Variants in ULK4 observed in about 807,000 individuals in gnomAD.
ULK4 encodes unc-51 like kinase 4, also known as inactive serine/threonine-protein kinase ULK4.
Under a neutral mutation model 160.6 loss-of-function variants are expected in ULK4, and 133 were observed. The ratio of observed to expected loss-of-function variants is 0.83; its 90% CI spans 0.72 to 0.96. ULK4 has a LOEUF of 0.96. Ranked by LOEUF, ULK4 falls within the 40% of genes least tolerant of loss-of-function variation. The pLI, the probability that ULK4 is intolerant of heterozygous loss-of-function variation, is 0.00. For synonymous variants in ULK4, 534 were observed against 539.8 expected (o/e 0.99, Z 0.15); for missense variants, 1,580 against 1,499.5 (o/e 1.05, Z -0.89).
At chr3:41,799,095 G>C (rs2040383506) in intron 20 of ULK4, among the ~76,000 whole-genome samples, 2 of 152,148 alleles carry the variant, frequency 1.3e-5, no homozygotes, top group South Asian at 4.1e-4. Context: ...TGATGAAAAT[G>C]AGGGGTTGAG....
At chr3:41,957,537 AACATATCT>A (rs1700523878) in intron 1 of ULK4, among the ~76,000 whole-genome samples, 1 of 151,696 alleles carries the variant, frequency 6.6e-6, no homozygotes, top group Non-Finnish European at 1.5e-5. Context: ...AGAAATTCAC[AACATATCT>A]ACATATCAAA....
At chr3:41,632,629 C>T (rs2033795518) in intron 30 of ULK4, among the ~76,000 whole-genome samples, 1 of 152,016 alleles carries the variant, frequency 6.6e-6, no homozygotes. Flanking sequence ...GCAAAGGCTT[C>T]ACAGTGCAAC....
chr3:41,961,550 A>ACCCCTCCCCCCCCCC lies in ULK4; in HGVS notation c.-49+465_-49+466insGGGGGGGGGGAGGGG, dbSNP rs57463009. Among the ~76,000 whole-genome samples the ACCCCTCCCCCCCCCC allele has an allele frequency of 4.8e-4, 60 of 124,608 alleles. 2 individuals carry two copies. Among genetic ancestry groups the ACCCCTCCCCCCCCCC allele is most frequent in the Middle Eastern group, 8.7e-3 (2 of 230 alleles). The allele number at this position is 124,608 out of a possible 152,430, so 81.7% of individuals were successfully genotyped here. A position where few individuals can be genotyped will look rare whatever the true frequency, so the allele number is the denominator to read the frequency against. On this transcript the variant is annotated intron_variant, in intron 1 of 36. Transcript: ENST00000301831. ...ACTCAGGGGCGCTACGTAGTCACTC[A>ACCCCTCCCCCCCCCC]CCCCCCCCCCCCCCCCCCCCGCTCC... is the stretch of plus-strand genomic sequence containing the variant.
At chr3:41,826,737 T>A (rs967130203) in intron 18 of ULK4, among the ~76,000 whole-genome samples, 1 of 149,938 alleles carries the variant, frequency 6.7e-6, no homozygotes, top group Non-Finnish European at 1.5e-5. Context: ...ACTGTCAACA[T>A]TAGACAGATC....
intron 29 of ULK4, among the ~76,000 whole-genome samples, chr3:41,669,834 A>G (rs958747251): frequency 6.6e-6 from 1 of 152,152 alleles, no homozygotes; most frequent in African/African-American, 2.4e-5. Flanking sequence ...ATAGATAATA[A>G]CATAGACAAT....
intron 34 of ULK4, among the ~76,000 whole-genome samples, chr3:41,452,588 A>G (rs1382391774): frequency 6.6e-6 from 1 of 152,184 alleles, no homozygotes; most frequent in Non-Finnish European, 1.5e-5. Flanking sequence ...TAACTCTGCT[A>G]AGTAATTAGA....
chr3:41,448,514 G>A (rs1575234379), intron 34 of ULK4, among the ~76,000 whole-genome samples: 2 of 152,308 alleles, frequency 1.3e-5, no homozygotes, highest in Middle Eastern at 6.8e-3. Context: ...AGAAGTTAGA[G>A]TTTATTAAGT....
At chr3:41,396,508 G>A (rs1175476484) in intron 35 of ULK4, among the ~76,000 whole-genome samples, 1 of 151,996 alleles carries the variant, frequency 6.6e-6, no homozygotes, top group Non-Finnish European at 1.5e-5. Flanking sequence ...CTTGTCTTCA[G>A]ATTGACTCAC....
chr3:41,479,306 C>T (rs777980742), intron 32 of ULK4, among the ~76,000 whole-genome samples: 3 of 152,118 alleles, frequency 2.0e-5, no homozygotes, highest in Non-Finnish European at 2.9e-5. Flanking sequence ...ATTTGCAATA[C>T]GCTAAGCATT....
intron 34 of ULK4, among the ~76,000 whole-genome samples, chr3:41,424,820 TAAGAAATCATCAAAAAAAAAAA>T (rs1317066264): frequency 1.1e-3 from 28 of 24,802 alleles, no homozygotes; most frequent in African/African-American, 4.5e-3. Context: ...CTCACAAAGA[TAAGAAATCATCAAAAAAAAAAA>T]AAAAAAAAAA....
intron 24 of ULK4, 58 bp from the exon 25 acceptor site, chr3:41,715,351 A>G: frequency 1.2e-6 from 2 of 1,608,602 alleles, no homozygotes; most frequent in Non-Finnish European, 1.7e-6. Flanking sequence ...ACGTTAGCTC[A>G]ATAAAAAAAA....
At chr3:41,618,096 C>A (rs1470911568) in intron 30 of ULK4, among the ~76,000 whole-genome samples, 1 of 152,142 alleles carries the variant, frequency 6.6e-6, no homozygotes, top group Non-Finnish European at 1.5e-5. Context: ...AAGGAACGAA[C>A]AAAGCCTCCA....
intron 22 of ULK4, among the ~76,000 whole-genome samples, chr3:41,723,318 T>C (rs774174634): frequency 8.5e-5 from 13 of 152,116 alleles, no homozygotes; most frequent in South Asian, 4.1e-4. Context: ...TCTTTTGTTA[T>C]TGATTTGGAG....
chr3:41,784,415 C>G (rs544464670), intron 21 of ULK4, among the ~76,000 whole-genome samples: 2 of 152,154 alleles, frequency 1.3e-5, no homozygotes, highest in Admixed American at 6.5e-5. Flanking sequence ...GCCTGGAAAT[C>G]AAGCAAAACT....
chr3:41,384,305 A>T (rs1433471835), intron 35 of ULK4, among the ~76,000 whole-genome samples: 1 of 152,172 alleles, frequency 6.6e-6, no homozygotes, highest in Non-Finnish European at 1.5e-5. Context: ...TCAAAAAGTC[A>T]ATTTCATATG....
chr3:41,701,256 A>C (rs34690843), intron 27 of ULK4, among the ~76,000 whole-genome samples: 1 of 152,122 alleles, frequency 6.6e-6, no homozygotes. Context: ...GTAAAAAAGA[A>C]ATTTATATTT....
chr3:41,389,756 C>T (rs1346156693), intron 35 of ULK4, among the ~76,000 whole-genome samples: 2 of 152,138 alleles, frequency 1.3e-5, no homozygotes, highest in South Asian at 2.1e-4. Context: ...TCTTGATGTG[C>T]TGCTGGATTC....
At chr3:41,895,695 G>A in intron 15 of ULK4, 131 bp from the exon 16 acceptor site, 3 of 408,898 alleles carry the variant, frequency 7.3e-6, no homozygotes, top group Non-Finnish European at 1.3e-5. Flanking sequence ...CACCAAAAAT[G>A]GTATTTACTA....
In ULK4 at chr3:41,656,058, T is replaced by C. The variant is rs560280334; in HGVS notation, c.3071+7549A>G. ...CCACCCATGCAGTTTTTTTCTGCTA[T>C]TGAAAAACTTTTCCCCCCAGTTTTT... On this transcript the variant is annotated intron_variant, in intron 30 of 36. Transcript: ENST00000301831. Among the ~76,000 whole-genome samples the C allele has an allele frequency of 3.9e-5, 6 of 152,306 alleles. No homozygotes were observed. In the South Asian group the frequency reaches 1.0e-3, roughly 26 times the overall value.
Sources: gnomAD v4.1 joint callset for allele counts (sites outside exome capture counted in the v4.1 genomes callset) on GRCh38, gnomAD v4.1.1 for gene constraint, MANE v1.5 for transcripts, NCBI Gene and HGNC (gene_info 2026-07-23, HGNC 2026-07-21) for gene names.